SCGN: variants seen among roughly 807,000 people sequenced by gnomAD.
The protein encoded by SCGN is secretagogin.
SCGN carries 30 observed loss-of-function variants against 39.7 expected under a neutral mutation model. The ratio of observed to expected loss-of-function variants is 0.76; its 90% CI spans 0.57 to 1.03. The LOEUF is 1.03. Among genes scored for constraint, SCGN ranks in the 50% least tolerant of loss-of-function variants. The pLI is 0.00. For missense variants in SCGN, 353 were observed against 349.4 expected (o/e 1.01, Z -0.08); for synonymous variants, 106 against 114.1 (o/e 0.93, Z 0.45).
At chr6:25,690,524 T>C (rs1443422731) in intron 9 of SCGN, among the ~76,000 whole-genome samples, 4 of 152,190 alleles carry the variant, frequency 2.6e-5, no homozygotes, top group Non-Finnish European at 5.9e-5. Flanking sequence ...ATATGTATTG[T>C]ATTTTATAGA....
chr6:25,657,653 T>TTA (rs1432232122), intron 2 of SCGN, among the ~76,000 whole-genome samples: 159 of 148,938 alleles, frequency 1.1e-3, no homozygotes, highest in Admixed American at 1.9e-3. Flanking sequence ...TTTTAAGATT[T>TTA]TATATATATA....
At chr6:25,657,797 C>T (rs1760254876) in intron 2 of SCGN, among the ~76,000 whole-genome samples, 1 of 150,622 alleles carries the variant, frequency 6.6e-6, no homozygotes, top group Non-Finnish European at 1.5e-5. Flanking sequence ...TACTCACCAC[C>T]ACTCTTTGGT....
At chr6:25,675,920 T>C (rs1056796467) in intron 6 of SCGN, among the ~76,000 whole-genome samples, 1 of 152,226 alleles carries the variant, frequency 6.6e-6, no homozygotes, top group Middle Eastern at 3.2e-3. Flanking sequence ...ACCACTTCTC[T>C]AAACCTCTTG....
At chr6:25,699,467 G>A (rs1759879588) in intron 10 of SCGN, among the ~76,000 whole-genome samples, 1 of 151,560 alleles carries the variant, frequency 6.6e-6, no homozygotes, top group Non-Finnish European at 1.5e-5. Context: ...GTGGGCACCT[G>A]TAATCCCAGC....
intron 2 of SCGN, among the ~76,000 whole-genome samples, chr6:25,654,485 T>C (rs954724599): frequency 6.6e-6 from 1 of 152,196 alleles, no homozygotes; most frequent in Non-Finnish European, 1.5e-5. Flanking sequence ...TTCTGTTTCT[T>C]ATCTCTGTGT....
In SCGN at chr6:25,678,011, T is replaced by C. The variant is rs75231182; in HGVS notation, c.472-3940T>C. Among the ~76,000 whole-genome samples, 650 of 152,330 alleles carry C rather than the reference T, an allele frequency of 4.3e-3. 14 individuals carry two copies. The East Asian group carries it at 0.065, about 15-fold the overall frequency. ...TTTGAAAAACTAAAATATTATTCAATCTAAGGAGAATTCTGAAAAACTCCA... is the reference window on the plus strand; with the variant it reads ...TTTGAAAAACTAAAATATTATTCAACCTAAGGAGAATTCTGAAAAACTCCA... On this transcript the variant is annotated intron_variant, in intron 6 of 10. Coordinates refer to ENST00000377961, the MANE Select transcript of SCGN (RefSeq NM_006998.4).
chr6:25,689,145 C>T lies in SCGN; in HGVS notation c.528-27C>T, dbSNP rs79773042. ...ATAACTGAGAGCTGAACGATCCTTA[C>T]GTGGATTTTTTTTTTTTTCTATTTA... On this transcript the variant is annotated intron_variant, in intron 7 of 10. Transcript: ENST00000377961. 9,805 of 1,439,064 alleles carry T rather than the reference C, an allele frequency of 6.8e-3. 144 individuals carry two copies. Among genetic ancestry groups the T allele is most frequent in the African/African-American group, 0.059 (3,023 of 50,890 alleles). 89.1% of individuals were successfully genotyped at this position (1,439,064 alleles called of 1,614,324 possible). A position where few individuals can be genotyped will look rare whatever the true frequency, so the allele number is the denominator to read the frequency against.
At chr6:25,687,246 G>A (rs929934550) in intron 7 of SCGN, among the ~76,000 whole-genome samples, 44 of 152,022 alleles carry the variant, frequency 2.9e-4, no homozygotes, top group African/African-American at 1.0e-3. Flanking sequence ...ATTTTGATGG[G>A]GATTGTTTTG....
chr6:25,657,765 C>T (rs1268056462), intron 2 of SCGN, among the ~76,000 whole-genome samples: 1 of 149,994 alleles, frequency 6.7e-6, no homozygotes, highest in African/African-American at 2.4e-5. Context: ...CTAGGGTAGC[C>T]TTTGGAGGAT....
chr6:25,669,435 T>A, intron 4 of SCGN, 76 bp from the exon 5 acceptor site: 2 of 1,232,610 alleles, frequency 1.6e-6, no homozygotes, highest in Non-Finnish European at 2.4e-6. Flanking sequence ...TTTCAGATGC[T>A]GAACTGTAGT....
At chr6:25,654,041 C>T (rs987966829) in intron 2 of SCGN, among the ~76,000 whole-genome samples, 1 of 152,140 alleles carries the variant, frequency 6.6e-6, no homozygotes, top group African/African-American at 2.4e-5. Context: ...TGTAAATGAA[C>T]TCTTGAAAGT....
chr6:25,700,064 G>A (rs1305326523), intron 10 of SCGN, among the ~76,000 whole-genome samples: 2 of 151,886 alleles, frequency 1.3e-5, no homozygotes, highest in Admixed American at 6.6e-5. Flanking sequence ...TGGCCAACAG[G>A]ATGAAACCCT....
At chr6:25,669,838 T>C (rs147010252) in intron 5 of SCGN, among the ~76,000 whole-genome samples, 161 bp from the exon 6 acceptor site, 63 of 152,318 alleles carry the variant, frequency 4.1e-4, no homozygotes, top group Non-Finnish European at 8.2e-4. Context: ...GAGCTCCCTA[T>C]AAACAGTGAC....
chr6:25,694,947 CAGAG>C (rs1759820423), intron 10 of SCGN, among the ~76,000 whole-genome samples: 1 of 152,134 alleles, frequency 6.6e-6, no homozygotes, highest in African/African-American at 2.4e-5. Flanking sequence ...AAGAAACTGT[CAGAG>C]AGCATATACC....
intron 2 of SCGN, 84 bp from the exon 3 acceptor site, chr6:25,661,468 G>A (rs895941056): frequency 1.5e-5 from 14 of 908,888 alleles, no homozygotes; most frequent in Admixed American, 8.0e-5. Context: ...TAATTTTCAC[G>A]CTGTATATTT....
At chr6:25,657,687 A>T (rs980995850) in intron 2 of SCGN, among the ~76,000 whole-genome samples, 56 of 149,076 alleles carry the variant, frequency 3.8e-4, no homozygotes, top group African/African-American at 1.3e-3. Flanking sequence ...TTACGTGTAT[A>T]TATATATGTG....
chr6:25,662,756 A>G (rs1035545492), intron 3 of SCGN, among the ~76,000 whole-genome samples: 5 of 152,230 alleles, frequency 3.3e-5, no homozygotes, highest in Admixed American at 2.0e-4. Flanking sequence ...GCAAAATTGT[A>G]TATGTAACCA....
At chr6:25,653,559 C>T in intron 2 of SCGN, 107 bp downstream of exon 2, 1 of 782,662 alleles carries the variant, frequency 1.3e-6, no homozygotes, top group Non-Finnish European at 2.1e-6. Context: ...TCCTTTCTTC[C>T]TTGCATGTAT....
intron 1 of SCGN, among the ~76,000 whole-genome samples, chr6:25,652,888 C>T (rs956941475): frequency 1.3e-5 from 2 of 152,142 alleles, no homozygotes; most frequent in African/African-American, 4.8e-5. Context: ...ACACCCCTCA[C>T]TCTCTCAAAA....
Sources: allele counts gnomAD v4.1 joint callset (sites outside exome capture counted in the v4.1 genomes callset), GRCh38; gene constraint gnomAD v4.1.1; transcripts MANE v1.5; gene names NCBI Gene and HGNC (gene_info 2026-07-23, HGNC 2026-07-21).